The following PAH variants were observed in gnomAD, a reference collection of about 807,000 sequenced individuals.
PAH encodes phenylalanine-4-hydroxylase.
A neutral mutation model predicts 62.0 loss-of-function variants in PAH; 64 were observed. That is an observed-to-expected ratio of 1.03 (90% CI 0.84 to 1.27). The LOEUF is 1.27. Among genes scored for constraint, PAH ranks in the 50% most tolerant of loss-of-function variants. PAH has a pLI of 0.00. For missense variants in PAH, 579 were observed against 542.8 expected (o/e 1.07, Z -0.66); for synonymous variants, 195 against 196.2 (o/e 0.99, Z 0.05).
At chr12:102,915,512 TA>T (rs1878348244) in intron 1 of PAH, among the ~76,000 whole-genome samples, 1 of 152,200 alleles carries the variant, frequency 6.6e-6, no homozygotes, top group Non-Finnish European at 1.5e-5. Flanking sequence ...TCTTGCAAAG[TA>T]AAAGATTTAC....
rs185860666 is a variant in PAH at position 102,906,706 on chromosome 12, G to A, written c.168+6085C>T. On this transcript the variant is annotated intron_variant, in intron 2 of 12. Transcript: ENST00000553106. ...AATCTTTAGATCACATGCATTAAGT[G>A]ATTTAATCTTTAGAACTACCCTATG... is the stretch of plus-strand genomic sequence containing the variant. Among the ~76,000 whole-genome samples the A allele has an allele frequency of 9.9e-5, 15 of 151,770 alleles. No homozygotes were observed. The East Asian group carries it at 2.9e-3, about 29-fold the overall frequency.
At chr12:102,857,086 A>G (rs1413192150) in intron 5 of PAH, among the ~76,000 whole-genome samples, 1 of 152,212 alleles carries the variant, frequency 6.6e-6, no homozygotes, top group Non-Finnish European at 1.5e-5. Flanking sequence ...TTGAAAAAAG[A>G]TTAGATGAAT....
intron 3 of PAH, among the ~76,000 whole-genome samples, chr12:102,877,851 T>C (rs1312875005): frequency 6.6e-6 from 1 of 152,214 alleles, no homozygotes; most frequent in East Asian, 1.9e-4. Flanking sequence ...CAGAATTTTT[T>C]TCCCTTCTGT....
upstream of PAH, among the ~76,000 whole-genome samples, chr12:102,920,430 G>A (rs950137168): frequency 6.6e-6 from 1 of 152,184 alleles, no homozygotes; most frequent in Admixed American, 6.5e-5. Flanking sequence ...ATGAGAAGTT[G>A]TGTACTTGGC....
At chr12:102,929,144 G>A (rs1458746372) in intron 1 of PAH, among the ~76,000 whole-genome samples, 3 of 152,096 alleles carry the variant, frequency 2.0e-5, no homozygotes, top group African/African-American at 7.2e-5. Flanking sequence ...AGTTTCCTGA[G>A]GCCTCCTCAG....
At chr12:102,949,365 C>T (rs1226648941) in intron 1 of PAH, among the ~76,000 whole-genome samples, 1 of 152,164 alleles carries the variant, frequency 6.6e-6, no homozygotes, top group Non-Finnish European at 1.5e-5. Context: ...AGAAGAACAG[C>T]AAACCAAGTT....
intron 1 of PAH, among the ~76,000 whole-genome samples, chr12:102,940,646 C>T (rs1277745877): frequency 6.6e-6 from 1 of 152,112 alleles, no homozygotes; most frequent in Non-Finnish European, 1.5e-5. Flanking sequence ...TTAAAATAAG[C>T]AAAACCTCTG....
intron 3 of PAH, among the ~76,000 whole-genome samples, chr12:102,889,865 A>G (rs1378322818): frequency 6.6e-6 from 1 of 152,220 alleles, no homozygotes; most frequent in Non-Finnish European, 1.5e-5. Context: ...TCAAAGGGAA[A>G]GGTAAAAGGA....
upstream of PAH, among the ~76,000 whole-genome samples, chr12:102,952,095 C>A (rs928092667): frequency 3.9e-5 from 6 of 152,028 alleles, no homozygotes; most frequent in Non-Finnish European, 7.4e-5. Flanking sequence ...GCAAAGAAGC[C>A]GTACAACAAA....
At chr12:102,935,770 C>T (rs192417187) in intron 1 of PAH, among the ~76,000 whole-genome samples, 20 of 151,842 alleles carry the variant, frequency 1.3e-4, no homozygotes, top group African/African-American at 3.9e-4. Context: ...TTATTTAATT[C>T]GGTCTTCTCC....
intron 6 of PAH, chr12:102,854,799 G>A: frequency 2.6e-6 from 1 of 383,714 alleles, no homozygotes; most frequent in Non-Finnish European, 5.0e-6. Context: ...AACACAGCAG[G>A]AACTACAGGG....
intron 8 of PAH, among the ~76,000 whole-genome samples, chr12:102,849,017 G>C (rs1875027143): frequency 6.6e-6 from 1 of 152,156 alleles, no homozygotes; most frequent in African/African-American, 2.4e-5. Flanking sequence ...CATGGAGACT[G>C]GAGGGGTCCA....
intron 3 of PAH, among the ~76,000 whole-genome samples, chr12:102,887,354 A>G (rs947525800): frequency 6.6e-6 from 1 of 152,040 alleles, no homozygotes; most frequent in African/African-American, 2.4e-5. Flanking sequence ...TGTTAAGCAC[A>G]AAAAATATTT....
intron 3 of PAH, among the ~76,000 whole-genome samples, chr12:102,880,200 C>T (rs546999334): frequency 1.2e-4 from 19 of 152,172 alleles, no homozygotes; most frequent in Non-Finnish European, 2.8e-4. Flanking sequence ...CACCTACACT[C>T]CTCCCCAAGC....
chr12:102,917,195 A>T lies in PAH; in HGVS notation c.-65T>A. 2 of 1,431,862 alleles carry T rather than the reference A, an allele frequency of 1.4e-6. No individual in the cohort carries two copies. The highest frequency in any genetic ancestry group is 2.0e-6 in the Non-Finnish European group (2 of 1,014,964). The allele number at this position is 1,431,862 out of a possible 1,614,324, so 88.7% of individuals were successfully genotyped here. On this transcript the variant is annotated 5_prime_UTR_variant, in exon 1 of 13. Transcript: ENST00000553106. ...CTCAGGTACAGGCAGGTTTGCAAAC[A>T]GCACGTGGGGCTGAAGGTTTTAACC... is the stretch of plus-strand genomic sequence containing the variant.
intron 5 of PAH, among the ~76,000 whole-genome samples, chr12:102,859,634 TG>T (rs1175121134): frequency 2.0e-5 from 3 of 152,190 alleles, no homozygotes; most frequent in Non-Finnish European, 4.4e-5. Flanking sequence ...CACGATCAAG[TG>T]GGCTTCATCC....
chr12:102,880,163 G>A (rs1209359921), intron 3 of PAH, among the ~76,000 whole-genome samples: 2 of 152,008 alleles, frequency 1.3e-5, no homozygotes, highest in Non-Finnish European at 2.9e-5. Context: ...CTGTTCATTT[G>A]GTGAGGAACG....
At position 102,912,804 on chromosome 12, in the gene PAH, A is replaced by G. The variant is rs199475630; in HGVS notation, c.155T>C (p.Leu52Ser). 14 of 1,610,936 alleles carry G rather than the reference A, an allele frequency of 8.7e-6. No individual in the cohort carries two copies. The highest frequency in any genetic ancestry group is 4.5e-5 in the East Asian group (2 of 44,808). The change falls in exon 2 of 13, where the codon TTG (leucine) becomes TCG (serine). Residue 52 changes from leucine to serine, a missense_variant. Coordinates refer to ENST00000553106, the MANE Select transcript of PAH (RefSeq NM_000277.3). Reference sequence around the variant, plus strand: ...TGTAGCACTGACCTCAAATAAGCGCAATACTTTGGCCAATGCACCAACTTC... The same window carrying G: ...TGTAGCACTGACCTCAAATAAGCGCGATACTTTGGCCAATGCACCAACTTC... ...KEEVGALAKV[L>S]RLFEENDVNL...
intron 5 of PAH, among the ~76,000 whole-genome samples, chr12:102,860,989 A>C (rs959622625): frequency 2.3e-4 from 35 of 152,146 alleles, no homozygotes; most frequent in Admixed American, 2.0e-3. Flanking sequence ...CAAATGGGAT[A>C]TAATTAAACT....
Sources: gnomAD v4.1 joint callset for allele counts (sites outside exome capture counted in the v4.1 genomes callset) on GRCh38, gnomAD v4.1.1 for gene constraint, MANE v1.5 for transcripts, NCBI Gene and HGNC (gene_info 2026-07-23, HGNC 2026-07-21) for gene names.